Variants in MCPH1 observed in about 807,000 individuals in gnomAD.
The protein encoded by MCPH1 is microcephalin.
A neutral mutation model predicts 84.5 loss-of-function variants in MCPH1; 104 were observed. The ratio of observed to expected loss-of-function variants is 1.23; its 90% CI spans 1.05 to 1.45. MCPH1 has a LOEUF of 1.45. Ranked by LOEUF, MCPH1 falls within the 40% of genes most tolerant of loss-of-function variation. The probability of loss-of-function intolerance (pLI) is 0.00; values close to 1 mark genes in which losing one functional copy is unlikely to be tolerated. For missense variants in MCPH1, 1,498 were observed against 1,005.7 expected (o/e 1.49, Z -6.62); for synonymous variants, 514 against 366.8 (o/e 1.40, Z -4.58).
chr8:6,529,327 T>C (rs1819000304), intron 12 of MCPH1, among the ~76,000 whole-genome samples: 1 of 152,206 alleles, frequency 6.6e-6, no homozygotes, highest in African/African-American at 2.4e-5. Flanking sequence ...TTGCTTCTAA[T>C]CAGAAATTTT....
At chr8:6,530,586 A>G (rs1001187959) in intron 12 of MCPH1, among the ~76,000 whole-genome samples, 4 of 150,920 alleles carry the variant, frequency 2.7e-5, no homozygotes, top group East Asian at 3.9e-4. Flanking sequence ...CGCTTTAGAT[A>G]TATATTGATA....
chr8:6,489,452 A>G (rs1448609308), intron 11 of MCPH1, among the ~76,000 whole-genome samples: 3 of 152,124 alleles, frequency 2.0e-5, no homozygotes, highest in Admixed American at 6.5e-5. Flanking sequence ...GAAGGTGAAT[A>G]AGAGGAGACA....
intron 13 of MCPH1, among the ~76,000 whole-genome samples, chr8:6,633,141 T>A (rs1797289821): frequency 6.6e-6 from 1 of 152,132 alleles, no homozygotes; most frequent in African/African-American, 2.4e-5. Context: ...AAGGCTTAAA[T>A]CATGTACAAG....
intron 13 of MCPH1, among the ~76,000 whole-genome samples, chr8:6,641,590 A>G (rs1797940812): frequency 6.6e-6 from 1 of 152,160 alleles, no homozygotes; most frequent in Admixed American, 6.5e-5. Flanking sequence ...CAAAAAATCA[A>G]AACATTAACT....
intron 9 of MCPH1, 101 bp from the exon 10 acceptor site, chr8:6,477,493 T>G: frequency 9.7e-7 from 1 of 1,026,018 alleles, no homozygotes; most frequent in Non-Finnish European, 1.5e-6. Context: ...TATTTTTAAG[T>G]GATGTAACTT....
At position 6,484,916 on chromosome 8, in the gene MCPH1, T is replaced by A. The variant is rs550688252; in HGVS notation, c.2136+4040T>A. 1.4e-4 allele frequency among the ~76,000 whole-genome samples: 21 copies of A among 152,334 alleles called. 1 individual carries two copies. Among genetic ancestry groups the A allele is most frequent in the African/African-American group, 4.6e-4 (19 of 41,574 alleles). ...AGCAGCTGTCACATCTTTGGGGCAT[T>A]GGAATTGTGCTGTGTTGTTAGTGGC... is the stretch of plus-strand genomic sequence containing the variant. On this transcript the variant is annotated intron_variant, in intron 11 of 13. Transcript: ENST00000344683.
intron 13 of MCPH1, among the ~76,000 whole-genome samples, chr8:6,623,117 T>A (rs1831645045): frequency 2.0e-5 from 3 of 150,320 alleles, no homozygotes; most frequent in African/African-American, 7.4e-5. Context: ...CTTCCCAAAG[T>A]GCTGGGATTA....
chr8:6,621,543 C>A lies in MCPH1; in HGVS notation c.2304C>A (p.Ser768Arg). Residue 768 changes from serine (S) to arginine (R), a missense_variant, in exon 13 of 14, where the codon AGC (serine) becomes AGA (arginine). Physicochemically the swap from Ser to Arg is moderately radical, Grantham distance 110. Coordinates refer to ENST00000344683, the MANE Select transcript of MCPH1 (RefSeq NM_024596.5). ...CAGCGATGTTTGTCTCGCCTGCCAG[C>A]AGCCCCCCAGTGGCCAAGCTCTGTG... Reference protein sequence around the residue: ...DQPAMFVSPASSPPVAKLCEL... With the variant: ...DQPAMFVSPARSPPVAKLCEL... The A allele has an allele frequency of 6.2e-7, 1 of 1,614,218 alleles. No homozygotes were observed. Among genetic ancestry groups the A allele is most frequent in the Non-Finnish European group, 8.5e-7 (1 of 1,180,042 alleles).
At chr8:6,637,632 G>A (rs980599342) in intron 13 of MCPH1, among the ~76,000 whole-genome samples, 10 of 152,118 alleles carry the variant, frequency 6.6e-5, no homozygotes, top group East Asian at 3.9e-4. Flanking sequence ...ATTAGGCTGC[G>A]GTATATGTTT....
At chr8:6,640,484 G>A (rs1485393264) in intron 13 of MCPH1, among the ~76,000 whole-genome samples, 1 of 152,052 alleles carries the variant, frequency 6.6e-6, no homozygotes, top group East Asian at 1.9e-4. Flanking sequence ...ATCTTAGATA[G>A]GAGATTTATC....
intron 8 of MCPH1, chr8:6,447,243 C>CT: frequency 3.0e-6 from 3 of 985,372 alleles, no homozygotes; most frequent in Non-Finnish European, 3.6e-6. Flanking sequence ...TGAACCAACT[C>CT]TCTTTGGGAA....
intron 12 of MCPH1, among the ~76,000 whole-genome samples, chr8:6,567,368 G>C (rs544705834): frequency 6.6e-6 from 1 of 152,182 alleles, no homozygotes; most frequent in South Asian, 2.1e-4. Flanking sequence ...TGTTTGATCG[G>C]CAAGGCCATG....
intron 11 of MCPH1, among the ~76,000 whole-genome samples, chr8:6,496,524 CG>C (rs1160665114): frequency 1.3e-5 from 2 of 151,848 alleles, no homozygotes; most frequent in Non-Finnish European, 2.9e-5. Flanking sequence ...GAAGCCCCCC[CG>C]CCCCCCTTCC....
intron 12 of MCPH1, among the ~76,000 whole-genome samples, chr8:6,609,334 G>A (rs936168712): frequency 6.6e-6 from 1 of 152,180 alleles, no homozygotes. Flanking sequence ...TACCGCGTTC[G>A]AGTTTTGACA....
At chr8:6,481,721 T>C (rs557696745) in intron 11 of MCPH1, among the ~76,000 whole-genome samples, 10 of 152,372 alleles carry the variant, frequency 6.6e-5, no homozygotes, top group Admixed American at 2.0e-4. Context: ...TGCTTCTAGT[T>C]GTGAAGTGGA....
chr8:6,582,273 T>C (rs1309788609), intron 12 of MCPH1, among the ~76,000 whole-genome samples: 2 of 152,234 alleles, frequency 1.3e-5, no homozygotes, highest in Non-Finnish European at 2.9e-5. Context: ...AAATGTTAAC[T>C]GTTATTATGG....
chr8:6,595,967 A>C (rs555920508), intron 12 of MCPH1, among the ~76,000 whole-genome samples: 1 of 152,346 alleles, frequency 6.6e-6, no homozygotes, highest in South Asian at 2.1e-4. Context: ...CAGATGAAGA[A>C]TTTAAGAAAT....
chr8:6,626,688 A>T (rs941838446), intron 13 of MCPH1: 6 of 984,980 alleles, frequency 6.1e-6, no homozygotes, highest in Admixed American at 1.2e-4. Context: ...CCATTTTATA[A>T]GTCACGAAAC....
intron 12 of MCPH1, among the ~76,000 whole-genome samples, chr8:6,595,885 A>C (rs370079046): frequency 1.3e-5 from 2 of 152,246 alleles, no homozygotes; most frequent in Admixed American, 6.5e-5. Flanking sequence ...CAGAAAAGTT[A>C]GGGTGCAACC....
Sources: allele counts gnomAD v4.1 joint callset (sites outside exome capture counted in the v4.1 genomes callset), GRCh38; gene constraint gnomAD v4.1.1; transcripts MANE v1.5; gene names NCBI Gene and HGNC (gene_info 2026-07-23, HGNC 2026-07-21).